FAAH2: variants seen among roughly 807,000 people sequenced by gnomAD.
FAAH2 encodes fatty-acid amide hydrolase 2.
FAAH2 carries 60 observed loss-of-function variants against 36.9 expected under a neutral mutation model. The observed-to-expected ratio is 1.63, with a 90% CI of 1.32 to 2.02. The LOEUF (loss-of-function observed/expected upper bound fraction) is 2.02, where lower values mean the gene tolerates loss of function less well. FAAH2 is among the 30% of genes most tolerant of loss of function. FAAH2 has a pLI of 0.00. For synonymous variants in FAAH2, 214 were observed against 143.8 expected, an observed-to-expected ratio of 1.49 and a Z score of -3.49; for missense variants, 689 against 397.5, an observed-to-expected ratio of 1.73 and a Z score of -6.23.
chrX:57,343,453 T>A (rs2053741225), intron 5 of FAAH2, among the ~76,000 whole-genome samples: 1 of 111,903 alleles, frequency 8.9e-6, no homozygotes, highest in African/African-American at 3.2e-5. Flanking sequence ...ATTTTCTCAC[T>A]CTTTAATTGA....
chrX:57,236,686 T>C, the FAAH2 span, among the ~76,000 whole-genome samples: 1 of 111,540 alleles, frequency 9.0e-6, no homozygotes, highest in Non-Finnish European at 1.9e-5. Context: ...GTCCATTTAT[T>C]AATCAGATTA....
chrX:57,428,000 C>G (rs1044652988), intron 7 of FAAH2, among the ~76,000 whole-genome samples: 1 of 111,438 alleles, frequency 9.0e-6, no homozygotes, highest in Non-Finnish European at 1.9e-5. Flanking sequence ...ACATAGAAAA[C>G]TTTAAAGACT....
the FAAH2 span, among the ~76,000 whole-genome samples, chrX:57,248,685 G>A: frequency 7.0e-5 from 7 of 100,208 alleles, no homozygotes; most frequent in Admixed American, 4.5e-4. Flanking sequence ...CCCGGGAGGC[G>A]GAGTTTATGG....
chrX:57,366,332 G>A (rs1449005302), intron 5 of FAAH2, among the ~76,000 whole-genome samples: 1 of 112,091 alleles, frequency 8.9e-6, no homozygotes, highest in Non-Finnish European at 1.9e-5. Flanking sequence ...GAGCACTCCT[G>A]GGCTACATGC....
At chrX:57,190,095 C>A in the FAAH2 span, among the ~76,000 whole-genome samples, 14 of 111,179 alleles carry the variant, frequency 1.3e-4, no homozygotes, top group Non-Finnish European at 2.6e-4. Flanking sequence ...TTCAGAGATA[C>A]CCTGCCCAGT....
At chrX:57,266,995 G>C in the FAAH2 span, among the ~76,000 whole-genome samples, 1 of 111,890 alleles carries the variant, frequency 8.9e-6, no homozygotes, top group Non-Finnish European at 1.9e-5. Context: ...GCACTCCTTG[G>C]TCTGCTGGCC....
the FAAH2 span, among the ~76,000 whole-genome samples, chrX:57,191,293 A>G: frequency 8.9e-6 from 1 of 111,906 alleles, no homozygotes; most frequent in South Asian, 3.7e-4. Context: ...TCTTCTTTTG[A>G]GAAATGTCTA....
intron 5 of FAAH2, among the ~76,000 whole-genome samples, chrX:57,367,545 T>G (rs1374414173): frequency 5.3e-5 from 6 of 112,411 alleles, no homozygotes; most frequent in Non-Finnish European, 9.4e-5. Context: ...GCAAAAACAA[T>G]GAATAAACAA....
chrX:57,338,275 C>T (rs1243180049), intron 4 of FAAH2, among the ~76,000 whole-genome samples: 1 of 111,246 alleles, frequency 9.0e-6, no homozygotes, highest in Non-Finnish European at 1.9e-5. Flanking sequence ...TCGCAAGGTG[C>T]TCAGTGTGGG....
At chrX:57,157,794 T>C in the FAAH2 span, among the ~76,000 whole-genome samples, 13 of 111,513 alleles carry the variant, frequency 1.2e-4, no homozygotes, top group Admixed American at 1.2e-3. Flanking sequence ...ACTAAGCCAA[T>C]TTGCTCAGTT....
chrX:57,203,145 T>C, the FAAH2 span, among the ~76,000 whole-genome samples: 1 of 111,920 alleles, frequency 8.9e-6, no homozygotes, highest in Non-Finnish European at 1.9e-5. Context: ...CTGAGAGCCC[T>C]GAACAGAGAT....
At chrX:57,381,101 C>G (rs970683943) in intron 7 of FAAH2, 72 bp downstream of exon 7, 37 of 740,477 alleles carry the variant, frequency 5.0e-5, no homozygotes, top group Non-Finnish European at 6.8e-5. Flanking sequence ...CTTTACTTCA[C>G]TTACTGCCAA....
chrX:57,166,869 A>G, the FAAH2 span, among the ~76,000 whole-genome samples: 26 of 111,831 alleles, frequency 2.3e-4, no homozygotes, highest in African/African-American at 7.5e-4. Context: ...TTGATCTTCA[A>G]TTACTGGGCT....
the FAAH2 span, among the ~76,000 whole-genome samples, chrX:57,165,613 C>T: frequency 4.5e-5 from 5 of 110,452 alleles, no homozygotes; most frequent in African/African-American, 1.3e-4. Context: ...GTGGGTGCAG[C>T]GCACCAGCAT....
At chrX:57,151,979 C>T in the FAAH2 span, among the ~76,000 whole-genome samples, 2 of 111,962 alleles carry the variant, frequency 1.8e-5, no homozygotes, top group African/African-American at 6.5e-5. Flanking sequence ...TTCTAACAGA[C>T]AGGACCCTGA....
the FAAH2 span, among the ~76,000 whole-genome samples, chrX:57,241,753 C>T: frequency 1.8e-5 from 2 of 111,538 alleles, no homozygotes; most frequent in East Asian, 2.8e-4. Flanking sequence ...CCTTTGCATC[C>T]TCATAGCTTA....
the FAAH2 span, among the ~76,000 whole-genome samples, chrX:57,259,434 A>C: frequency 8.9e-6 from 1 of 111,995 alleles, no homozygotes; most frequent in Middle Eastern, 4.6e-3. Flanking sequence ...ATGCAGTGGA[A>C]TATTATGCAA....
chrX:57,470,098 C>T (rs1040638140), intron 10 of FAAH2, among the ~76,000 whole-genome samples: 5 of 111,606 alleles, frequency 4.5e-5, no homozygotes, highest in Non-Finnish European at 9.4e-5. Context: ...ACATTTAAAG[C>T]AGTGTGTAGA....
At chrX:57,469,396 G>T in intron 10 of FAAH2, among the ~76,000 whole-genome samples, 1 of 111,633 alleles carries the variant, frequency 9.0e-6, no homozygotes, top group South Asian at 3.8e-4. Flanking sequence ...ATAAAGGGAT[G>T]GAGGAAGATC....
Sources: allele counts gnomAD v4.1 joint callset (sites outside exome capture counted in the v4.1 genomes callset), GRCh38; gene constraint gnomAD v4.1.1; transcripts MANE v1.5; gene names NCBI Gene and HGNC (gene_info 2026-07-23, HGNC 2026-07-21).